SGCD: variants seen among roughly 807,000 people sequenced by gnomAD.
The protein encoded by SGCD is delta-sarcoglycan.
A neutral mutation model predicts 36.6 loss-of-function variants in SGCD; 18 were observed. The observed-to-expected ratio is 0.49, with a 90% CI of 0.34 to 0.73. The LOEUF is 0.73. SGCD is among the 30% of genes least tolerant of loss of function. The pLI is 0.01. For missense variants in SGCD, 387 were observed against 346.7 expected, an observed-to-expected ratio of 1.12 and a Z score of -0.92; for synonymous variants, 133 against 130.6, an observed-to-expected ratio of 1.02 and a Z score of -0.12.
In SGCD at chr5:156,269,510, A is replaced by AAAAG. The variant is rs1408141297; in HGVS notation, c.-43-60024_-43-60023insAAAG. Among the ~76,000 whole-genome samples the AAAAG allele has an allele frequency of 1.9e-4, 26 of 137,650 alleles. 2 individuals carry two copies. Among genetic ancestry groups the AAAAG allele is most frequent in the Non-Finnish European group, 3.1e-4 (20 of 63,632 alleles). The allele number at this position is 137,650 out of a possible 152,430, so 90.3% of individuals were successfully genotyped here. On this transcript the variant is annotated intron_variant, in intron 3 of 9. Transcript: ENST00000517913. ...AAAAAAAAAAAAAAAAAAAAAAAAA[A>AAAAG]CCATCAGATCTCATGAAACTTATTC...
At chr5:155,874,978 C>T (rs972928169) in intron 1 of SGCD, among the ~76,000 whole-genome samples, 2 of 147,272 alleles carry the variant, frequency 1.4e-5, no homozygotes, top group East Asian at 3.9e-4. Context: ...TTCACTGCAG[C>T]TTTATTTGTA....
At chr5:155,904,163 G>A (rs768397558) in intron 1 of SGCD, among the ~76,000 whole-genome samples, 4 of 152,128 alleles carry the variant, frequency 2.6e-5, no homozygotes, top group Non-Finnish European at 5.9e-5. Context: ...ATCACAAGAG[G>A]AGAAGGTTTC....
intron 3 of SGCD, among the ~76,000 whole-genome samples, chr5:156,448,802 G>A (rs141260342): frequency 1.5e-5 from 2 of 134,574 alleles, no homozygotes; most frequent in African/African-American, 5.7e-5. Context: ...AGGCTAGAGT[G>A]CAGTGGCACA....
At chr5:155,947,294 TG>T (rs1757457307) in intron 1 of SGCD, among the ~76,000 whole-genome samples, 20 of 278 alleles carry the variant, frequency 0.072, no homozygotes, top group East Asian at 0.5. Context: ...TAAATACTCT[TG>T]TGTGTGTGTG....
intron 1 of SGCD, among the ~76,000 whole-genome samples, chr5:156,091,210 A>T (rs185523260): frequency 4.9e-4 from 74 of 152,342 alleles, no homozygotes; most frequent in African/African-American, 1.7e-3. Flanking sequence ...GATTGCAGTA[A>T]ACATAGGTGT....
chr5:156,317,617 CA>C (rs1767552482), intron 3 of SGCD, among the ~76,000 whole-genome samples: 1 of 152,052 alleles, frequency 6.6e-6, no homozygotes, highest in Admixed American at 6.5e-5. Context: ...CAGTGAACTC[CA>C]AAAATCTTTC....
intron 3 of SGCD, among the ~76,000 whole-genome samples, chr5:156,388,899 G>A (rs1239690835): frequency 6.6e-6 from 1 of 152,184 alleles, no homozygotes; most frequent in Non-Finnish European, 1.5e-5. Flanking sequence ...TGCCAGCCTT[G>A]TAAAATCAAG....
At chr5:155,977,254 G>T (rs904298688) in intron 1 of SGCD, among the ~76,000 whole-genome samples, 28 of 152,110 alleles carry the variant, frequency 1.8e-4, no homozygotes, top group Admixed American at 1.8e-3. Context: ...ATCACTTATT[G>T]TTTTCTCAGA....
At chr5:156,416,051 C>G (rs1193006058) in intron 3 of SGCD, among the ~76,000 whole-genome samples, 1 of 152,158 alleles carries the variant, frequency 6.6e-6, no homozygotes, top group East Asian at 1.9e-4. Flanking sequence ...ACAGTGAATT[C>G]TCTAATAATC....
intron 6 of SGCD, among the ~76,000 whole-genome samples, chr5:156,641,407 G>T (rs138166586): frequency 6.6e-6 from 1 of 152,186 alleles, no homozygotes; most frequent in African/African-American, 2.4e-5. Flanking sequence ...CTAAAACTTT[G>T]GAGTAACCAG....
intron 3 of SGCD, among the ~76,000 whole-genome samples, chr5:156,291,013 A>G (rs1483831009): frequency 6.6e-6 from 1 of 152,120 alleles, no homozygotes; most frequent in African/African-American, 2.4e-5. Flanking sequence ...GAGGATGCTC[A>G]GGTCTTAGAG....
At chr5:155,891,180 G>A (rs1580974419) in intron 1 of SGCD, among the ~76,000 whole-genome samples, 2 of 152,216 alleles carry the variant, frequency 1.3e-5, no homozygotes, top group East Asian at 3.8e-4. Context: ...TTCATGTACA[G>A]ATCCACTTTC....
intron 1 of SGCD, among the ~76,000 whole-genome samples, chr5:156,044,301 T>TCA (rs1242506083): frequency 2.2e-4 from 33 of 152,272 alleles, no homozygotes; most frequent in Non-Finnish European, 1.5e-5. Flanking sequence ...ATCAAAAAGT[T>TCA]GTATTTCTGT....
chr5:156,283,025 T>G lies in SGCD; in HGVS notation c.-43-46509T>G, dbSNP rs199611949. Among the ~76,000 whole-genome samples, 5 of 152,306 alleles carry G rather than the reference T, an allele frequency of 3.3e-5. No individual in the cohort carries two copies. In the East Asian group the frequency reaches 9.6e-4, roughly 29 times the overall value. ...ATGATTCCAGGTGATTAAATTAGTG[T>G]TGTTAGAAAGATGAAAAGGAACACT... On this transcript the variant is annotated intron_variant, in intron 3 of 9. Coordinates refer to the SGCD transcript ENST00000517913.
chr5:156,194,498 A>G (rs1045235357), intron 3 of SGCD, among the ~76,000 whole-genome samples: 2 of 152,188 alleles, frequency 1.3e-5, no homozygotes, highest in African/African-American at 4.8e-5. Context: ...AATTTAAATG[A>G]TATACATTAG....
intron 1 of SGCD, among the ~76,000 whole-genome samples, chr5:156,021,578 A>G (rs181020481): frequency 2.4e-4 from 36 of 152,258 alleles, no homozygotes; most frequent in Non-Finnish European, 4.4e-5. Context: ...GATTGTGAGT[A>G]CTCTGCAAGG....
At chr5:156,348,676 C>T (rs1769076647) in intron 3 of SGCD, among the ~76,000 whole-genome samples, 3 of 152,060 alleles carry the variant, frequency 2.0e-5, no homozygotes, top group Non-Finnish European at 4.4e-5. Context: ...GACCATAGTG[C>T]CCAAAGCAAT....
rs142425080 is a variant in SGCD, at chr5:156,732,650, C to T, written c.576-24931C>T. ...AGTCCCTCCCTTCTCAATTTTTTGT[C>T]ACAGTTTCAGTAGGAATGGTAGCTC... On this transcript the variant is annotated intron_variant, in intron 7 of 8. Coordinates refer to ENST00000337851, the MANE Select transcript of SGCD (RefSeq NM_000337.6). Among the ~76,000 whole-genome samples, 1,279 of 151,916 alleles carry T rather than the reference C, an allele frequency of 8.4e-3. 8 individuals carry two copies. Among genetic ancestry groups the T allele is most frequent in the Non-Finnish European group, 0.014 (936 of 67,896 alleles).
intron 1 of SGCD, among the ~76,000 whole-genome samples, chr5:155,927,536 T>G (rs759728631): frequency 6.6e-6 from 1 of 152,164 alleles, no homozygotes. Flanking sequence ...GATTGCATGC[T>G]ATCGAAAAAT....
Sources: allele counts gnomAD v4.1 joint callset (sites outside exome capture counted in the v4.1 genomes callset), GRCh38; gene constraint gnomAD v4.1.1; transcripts MANE v1.5; gene names NCBI Gene and HGNC (gene_info 2026-07-23, HGNC 2026-07-21).